Variants in TXNDC9 observed in about 807,000 individuals in gnomAD.
TXNDC9 encodes thioredoxin domain containing 9, also known as thioredoxin domain-containing protein 9.
TXNDC9 carries 7 observed loss-of-function variants against 23.0 expected under a neutral mutation model. That is an observed-to-expected ratio of 0.30 (90% CI 0.17 to 0.57). The LOEUF (loss-of-function observed/expected upper bound fraction) is 0.57, where lower values mean the gene tolerates loss of function less well. TXNDC9 is among the 20% of genes least tolerant of loss of function. The pLI, the probability that TXNDC9 is intolerant of heterozygous loss-of-function variation, is 0.90. For missense variants in TXNDC9, 198 were observed against 252.6 expected, an observed-to-expected ratio of 0.78 and a Z score of 1.47; for synonymous variants, 72 against 90.6, an observed-to-expected ratio of 0.79 and a Z score of 1.17.
downstream of TXNDC9, among the ~76,000 whole-genome samples, chr2:99,317,804 G>T (rs2094192600): frequency 6.6e-6 from 1 of 151,890 alleles, no homozygotes; most frequent in African/African-American, 2.4e-5. Context: ...CAATGCTCTG[G>T]GGCACAAGTC....
At position 99,330,377 on chromosome 2, in the gene TXNDC9, G is replaced by A. The variant is rs942361720; in HGVS notation, c.189+2645C>T. On this transcript the variant is annotated intron_variant, in intron 2 of 4. Coordinates refer to ENST00000264255, the MANE Select transcript of TXNDC9 (RefSeq NM_005783.4). ...TATTTAACCAAGAGGCTGAAGACCC[G>A]AACCTGTCCTGGGCTCCTTTGAGGG... 2.4e-4 allele frequency among the ~76,000 whole-genome samples: 34 copies of A among 143,370 alleles called. 1 individual carries two copies. The highest frequency in any genetic ancestry group is 7.8e-4 in the African/African-American group (30 of 38,360). The allele number at this position is 143,370 out of a possible 152,430, so 94.1% of individuals were successfully genotyped here.
downstream of TXNDC9, among the ~76,000 whole-genome samples, chr2:99,316,461 A>G (rs942276442): frequency 6.6e-6 from 1 of 152,106 alleles, no homozygotes; most frequent in Non-Finnish European, 1.5e-5. Flanking sequence ...GAGCCACAGC[A>G]TTGGGCCAAT....
At chr2:99,321,847 G>C (rs888379490) in intron 4 of TXNDC9, 108 bp downstream of exon 4, 87 of 1,258,636 alleles carry the variant, frequency 6.9e-5, no homozygotes, top group Non-Finnish European at 9.2e-5. Flanking sequence ...CCACATCTCA[G>C]CCAAAATGCC....
chr2:99,334,107 T>G (rs949156321), intron 1 of TXNDC9, among the ~76,000 whole-genome samples: 1 of 152,212 alleles, frequency 6.6e-6, no homozygotes, highest in Non-Finnish European at 1.5e-5. Flanking sequence ...TCCCAGCACT[T>G]TGGGAGGCCA....
At chr2:99,325,281 T>TA (rs1368101794) in intron 3 of TXNDC9, among the ~76,000 whole-genome samples, 2 of 152,246 alleles carry the variant, frequency 1.3e-5, no homozygotes, top group East Asian at 3.9e-4. Flanking sequence ...AGTTAAAAAT[T>TA]AAAAAAATAG....
chr2:99,331,884 CA>C (rs1282907267), intron 2 of TXNDC9, among the ~76,000 whole-genome samples: 2 of 152,108 alleles, frequency 1.3e-5, no homozygotes, highest in African/African-American at 2.4e-5. Context: ...TGTGCGCCAC[CA>C]CACCTGGCTA....
Position 99,327,635 on chromosome 2 carries a change from G to A in TXNDC9, c.208C>T (p.His70Tyr), listed in dbSNP as rs1423145210. Residue 70 changes from histidine (H) to tyrosine (Y), a missense_variant, in exon 3 of 5, where the codon CAT becomes TAT. His to Tyr is a moderately conservative substitution (Grantham distance 83). Transcript: ENST00000264255. The part of the protein sequence containing the change: ...QQKQEWLSKG[H>Y]GEYREIPSER... ...CTAGGGATTTCTCTGTATTCCCCAT[G>A]TCCTTTAGAAAGCCATTCCTAATTT... is the stretch of plus-strand genomic sequence containing the variant. 2 of 1,612,362 alleles carry A rather than the reference G, an allele frequency of 1.2e-6. No individual in the cohort carries two copies. The highest frequency in any genetic ancestry group is 1.7e-6 in the Non-Finnish European group (2 of 1,178,922).
chr2:99,327,232 C>T (rs1172702926), intron 3 of TXNDC9, among the ~76,000 whole-genome samples: 1 of 152,030 alleles, frequency 6.6e-6, no homozygotes, highest in Non-Finnish European at 1.5e-5. Flanking sequence ...GCCACCACAC[C>T]CGGCTAATTT....
intron 3 of TXNDC9, among the ~76,000 whole-genome samples, chr2:99,324,037 G>A (rs368694724): frequency 6.6e-6 from 1 of 152,042 alleles, no homozygotes; most frequent in East Asian, 1.9e-4. Flanking sequence ...GTAGCGATGG[G>A]GTTTCACCAT....
chr2:99,312,842 A>G, the TXNDC9 span, among the ~76,000 whole-genome samples: 3 of 152,206 alleles, frequency 2.0e-5, no homozygotes, highest in African/African-American at 7.2e-5. Context: ...ATAATCAGAA[A>G]AAATAATTGT....
In TXNDC9 at chr2:99,335,878, T is replaced by G. The variant is rs911239416; in HGVS notation, c.-33+361A>C. On this transcript the variant is annotated intron_variant, in intron 1 of 4. Coordinates refer to ENST00000264255, the MANE Select transcript of TXNDC9 (RefSeq NM_005783.4). The stretch of plus-strand genomic sequence containing the variant: ...TCAAACCACAGCCTCTGATTCTTCC[T>G]TTTTACAGCTCCGCTGGAAGGGTGG... Among the ~76,000 whole-genome samples, 3 of 152,340 alleles carry G rather than the reference T, an allele frequency of 2.0e-5. No homozygotes were observed. In the South Asian group the frequency reaches 6.2e-4, roughly 32 times the overall value.
the TXNDC9 span, among the ~76,000 whole-genome samples, chr2:99,306,526 G>A: frequency 6.6e-6 from 1 of 152,162 alleles, no homozygotes; most frequent in African/African-American, 2.4e-5. Context: ...GTGTGGTGAG[G>A]GAGGGGGCTC....
In TXNDC9 at chr2:99,319,806, A is replaced by AC; in HGVS notation, c.564-8_564-7insG. ...TGGCTCCATTAAATTTCCACTTAAA[A>AC]AAAAAAAAAAGCATTTTATTCTTTA... On this transcript the variant is annotated splice_region_variant and splice_polypyrimidine_tract_variant and intron_variant, in intron 4 of 4. Coordinates refer to ENST00000264255, the MANE Select transcript of TXNDC9 (RefSeq NM_005783.4). 1 of 1,537,408 alleles carries AC rather than the reference A, an allele frequency of 6.5e-7. No homozygotes were observed. The highest frequency in any genetic ancestry group is 8.8e-7 in the Non-Finnish European group (1 of 1,135,498).
At chr2:99,316,768 A>G (rs1419212962), downstream of TXNDC9, among the ~76,000 whole-genome samples, 1 of 151,572 alleles carries the variant, frequency 6.6e-6, no homozygotes, top group Non-Finnish European at 1.5e-5. Flanking sequence ...TATTTTATAT[A>G]TTTTTTGAGA....
intron 2 of TXNDC9, among the ~76,000 whole-genome samples, chr2:99,330,290 CAAAAAAAAAAAAAA>C (rs528602849): frequency 1.8e-3 from 50 of 28,170 alleles, no homozygotes; most frequent in African/African-American, 6.4e-3. Flanking sequence ...ACTCTTATCT[CAAAAAAAAAAAAAA>C]AAAAAAAAAA....
intron 1 of TXNDC9, among the ~76,000 whole-genome samples, chr2:99,335,470 T>G (rs934011343): frequency 2.6e-5 from 4 of 152,222 alleles, no homozygotes; most frequent in Non-Finnish European, 4.4e-5. Flanking sequence ...ACTGTTAAGT[T>G]TCAAAAGTAT....
At chr2:99,331,766 A>G (rs971914908) in intron 2 of TXNDC9, among the ~76,000 whole-genome samples, 2 of 152,120 alleles carry the variant, frequency 1.3e-5, no homozygotes, top group African/African-American at 4.8e-5. Flanking sequence ...GTCTTGCTCT[A>G]TCATCCAGGC....
At chr2:99,336,096 G>C (rs1029946735) in intron 1 of TXNDC9, 143 bp downstream of exon 1, 2 of 730,702 alleles carry the variant, frequency 2.7e-6, no homozygotes, top group South Asian at 6.1e-5. Context: ...ACGCCTCCTG[G>C]TGCGCTTGCG....
chr2:99,307,585 A>G, the TXNDC9 span: 1 of 114,896 alleles, frequency 8.7e-6, no homozygotes, highest in African/African-American at 3.4e-5. Flanking sequence ...TGCATAAGAA[A>G]TATTGGACTC....
Sources: gnomAD v4.1 joint callset for allele counts (sites outside exome capture counted in the v4.1 genomes callset) on GRCh38, gnomAD v4.1.1 for gene constraint, MANE v1.5 for transcripts, NCBI Gene and HGNC (gene_info 2026-07-23, HGNC 2026-07-21) for gene names.